FMNL2: variants seen among roughly 807,000 people sequenced by gnomAD.
The protein encoded by FMNL2 is formin like 2.
A neutral mutation model predicts 130.2 loss-of-function variants in FMNL2; 51 were observed. The observed-to-expected ratio is 0.39, with a 90% CI of 0.31 to 0.49. The LOEUF (loss-of-function observed/expected upper bound fraction) is 0.49. Ranked by LOEUF, FMNL2 falls within the 20% of genes least tolerant of loss-of-function variation. FMNL2 has a pLI of 0.85. For synonymous variants in FMNL2, 465 were observed against 467.1 expected (o/e 1.00, Z 0.06); for missense variants, 977 against 1,316.2 (o/e 0.74, Z 3.99).
chr2:152,412,446 TTATATATATA>T (rs56681937), intron 1 of FMNL2, among the ~76,000 whole-genome samples: 195 of 103,126 alleles, frequency 1.9e-3, no homozygotes, highest in African/African-American at 4.1e-3. Flanking sequence ...TCTGTATATT[TTATATATATA>T]TATATATATA....
At chr2:152,509,941 ATC>A (rs1335849082) in intron 1 of FMNL2, among the ~76,000 whole-genome samples, 1 of 151,262 alleles carries the variant, frequency 6.6e-6, no homozygotes, top group Non-Finnish European at 1.5e-5. Context: ...TAGAGATGGG[ATC>A]TCACTATGTT....
At chr2:152,572,704 C>T (rs1374225301) in intron 6 of FMNL2, among the ~76,000 whole-genome samples, 1 of 152,046 alleles carries the variant, frequency 6.6e-6, no homozygotes, top group Non-Finnish European at 1.5e-5. Flanking sequence ...GATCATGGTA[C>T]TGCACTTCAG....
chr2:152,403,048 C>T (rs1246957093), intron 1 of FMNL2, among the ~76,000 whole-genome samples: 1 of 152,030 alleles, frequency 6.6e-6, no homozygotes, highest in African/African-American at 2.4e-5. Flanking sequence ...GAATACCCCT[C>T]AATTGAGATT....
intron 1 of FMNL2, among the ~76,000 whole-genome samples, chr2:152,494,062 C>T (rs1033286134): frequency 3.3e-5 from 5 of 152,124 alleles, no homozygotes; most frequent in Admixed American, 6.5e-5. Flanking sequence ...CAGCAGCATC[C>T]CCTGGTGAAT....
chr2:152,385,257 T>C (rs1018244167), intron 1 of FMNL2, among the ~76,000 whole-genome samples: 1 of 152,232 alleles, frequency 6.6e-6, no homozygotes, highest in African/African-American at 2.4e-5. Flanking sequence ...TGATTTGTTC[T>C]TGACATCAGT....
At chr2:152,622,582 TTGAG>T (rs750428553) in intron 15 of FMNL2, 5 of 456,732 alleles carry the variant, frequency 1.1e-5, no homozygotes, top group East Asian at 7.0e-5. Context: ...ACTGAGTGTG[TTGAG>T]TATTTGCCAT....
chr2:152,380,885 C>CA (rs1465783592), intron 1 of FMNL2, among the ~76,000 whole-genome samples: 1 of 152,096 alleles, frequency 6.6e-6, no homozygotes, highest in Non-Finnish European at 1.5e-5. Flanking sequence ...CTGGCTGTAT[C>CA]AGTTTATGGC....
At chr2:152,368,833 C>G (rs1286604896) in intron 1 of FMNL2, among the ~76,000 whole-genome samples, 1 of 152,188 alleles carries the variant, frequency 6.6e-6, no homozygotes, top group Non-Finnish European at 1.5e-5. Flanking sequence ...GAACTATTAA[C>G]ATTTTTTTCC....
Position 152,593,860 on chromosome 2 carries a change from A to AGTGT in FMNL2, c.876+12851_876+12854dup, listed in dbSNP as rs70974873. Among the ~76,000 whole-genome samples, 833 of 113,064 alleles carry AGTGT rather than the reference A, an allele frequency of 7.4e-3. 8 individuals carry two copies. Among genetic ancestry groups the AGTGT allele is most frequent in the Middle Eastern group, 0.019 (4 of 208 alleles). 74.2% of individuals were successfully genotyped at this position (113,064 alleles called of 152,430 possible). On this transcript the variant is annotated intron_variant, in intron 9 of 25. Coordinates refer to ENST00000288670, the MANE Select transcript of FMNL2 (RefSeq NM_052905.4). ...TAGGGAGAGAGAGAGAGAGAGAGAG[A>AGTGT]GTGTGTGTGTGTGTGTGTGTGTGTG... is the stretch of plus-strand genomic sequence containing the variant.
intron 1 of FMNL2, among the ~76,000 whole-genome samples, chr2:152,509,611 G>C (rs1158214669): frequency 3.3e-5 from 5 of 151,904 alleles, no homozygotes; most frequent in Non-Finnish European, 7.4e-5. Flanking sequence ...CCCAAACATG[G>C]TATATAGAAG....
At chr2:152,614,225 T>G (rs1171887186) in intron 11 of FMNL2, among the ~76,000 whole-genome samples, 1 of 152,234 alleles carries the variant, frequency 6.6e-6, no homozygotes, top group Non-Finnish European at 1.5e-5. Context: ...TAAAGCTGCT[T>G]TTAATTTTTC....
intron 3 of FMNL2, among the ~76,000 whole-genome samples, chr2:152,545,265 G>A (rs1055072937): frequency 2.0e-5 from 3 of 152,138 alleles, no homozygotes; most frequent in Non-Finnish European, 4.4e-5. Context: ...GCTGTATTAT[G>A]GTGGGGGAGA....
rs755529117 is a variant in FMNL2, at chr2:152,626,505, G to A, written c.1963-20G>A. On this transcript the variant is annotated intron_variant, in intron 16 of 25. Coordinates refer to ENST00000288670, the MANE Select transcript of FMNL2 (RefSeq NM_052905.4). ...TTTAAATATAATCCAATTTTCCATG[G>A]TCATTCCTCTCTATCTTAGGATTTA... The A allele has an allele frequency of 1.3e-6, 2 of 1,572,776 alleles. No homozygotes were observed. Among genetic ancestry groups the A allele is most frequent in the African/African-American group, 2.7e-5 (2 of 73,860 alleles).
At chr2:152,366,368 A>T (rs1324341960) in intron 1 of FMNL2, among the ~76,000 whole-genome samples, 1 of 152,000 alleles carries the variant, frequency 6.6e-6, no homozygotes, top group African/African-American at 2.4e-5. Flanking sequence ...CAGCACAGCA[A>T]CATGGCACAT....
chr2:152,506,228 G>A (rs1183581975), intron 1 of FMNL2, among the ~76,000 whole-genome samples: 27 of 152,208 alleles, frequency 1.8e-4, no homozygotes, highest in Admixed American at 1.4e-3. Context: ...TTTCTCATAT[G>A]CAGCTTAAGA....
At chr2:152,439,041 T>A (rs1427500610) in intron 1 of FMNL2, among the ~76,000 whole-genome samples, 1 of 151,556 alleles carries the variant, frequency 6.6e-6, no homozygotes, top group Non-Finnish European at 1.5e-5. Context: ...GCATTCAGAT[T>A]CTTGGCTGGC....
chr2:152,406,099 C>T (rs1685963225), intron 1 of FMNL2, among the ~76,000 whole-genome samples: 1 of 152,144 alleles, frequency 6.6e-6, no homozygotes. Context: ...TTTGTTGTTT[C>T]AGGCTCTGAA....
At chr2:152,468,658 A>C (rs71417227) in intron 1 of FMNL2, among the ~76,000 whole-genome samples, 5,113 of 152,264 alleles carry the variant, frequency 0.034, 277 homozygotes, top group African/African-American at 0.11. Flanking sequence ...TATATCCAAA[A>C]CATTATTGAA....
chr2:152,641,713 C>T (rs759125709), intron 25 of FMNL2, among the ~76,000 whole-genome samples: 24 of 152,328 alleles, frequency 1.6e-4, no homozygotes, highest in Middle Eastern at 3.4e-3. Flanking sequence ...TACATGTACA[C>T]TCTACCTACC....
Sources: gnomAD v4.1 joint callset for allele counts (sites outside exome capture counted in the v4.1 genomes callset) on GRCh38, gnomAD v4.1.1 for gene constraint, MANE v1.5 for transcripts, NCBI Gene and HGNC (gene_info 2026-07-23, HGNC 2026-07-21) for gene names.